Variants in LAMC1 observed in about 807,000 individuals in gnomAD.
LAMC1 encodes laminin subunit gamma 1.
In LAMC1, 38 loss-of-function variants were observed where a neutral mutation model predicts 173.6. The ratio of observed to expected loss-of-function variants is 0.22; its 90% confidence interval spans 0.17 to 0.29. The LOEUF (loss-of-function observed/expected upper bound fraction) is 0.29, where lower values mean the gene tolerates loss of function less well. Ranked by LOEUF, LAMC1 falls within the 10% of genes least tolerant of loss-of-function variation. The pLI is 1.00. For missense variants in LAMC1, 1,824 were observed against 2,051.8 expected (o/e 0.89, Z 2.14); for synonymous variants, 746 against 749.1 (o/e 1.00, Z 0.07).
intron 27 of LAMC1, chr1:183,140,741 T>A (rs1283300313): frequency 3.5e-6 from 1 of 285,942 alleles, no homozygotes; most frequent in African/African-American, 2.2e-5. Context: ...TTACCATACT[T>A]ATTATTTGTC....
At chr1:183,085,502 A>C (rs756003361) in intron 1 of LAMC1, among the ~76,000 whole-genome samples, 9 of 151,244 alleles carry the variant, frequency 6.0e-5, no homozygotes, top group Non-Finnish European at 1.2e-4. Flanking sequence ...AGCTCGGACC[A>C]CAGGTGCAAG....
intron 1 of LAMC1, among the ~76,000 whole-genome samples, chr1:183,091,188 A>G (rs1655557866): frequency 1.3e-5 from 2 of 152,110 alleles, no homozygotes; most frequent in Non-Finnish European, 2.9e-5. Context: ...TGCCCTGCAG[A>G]AGAAGAGGTT....
rs1423942063 is a variant in LAMC1, at chr1:183,067,030, T to A, written c.419-36298T>A. On this transcript the variant is annotated intron_variant, in intron 1 of 27. Transcript: ENST00000258341. ...GGGCCAATAAGTTTGGTTTATTGTG[T>A]TTTAGTCATTGGTATATAGCTTTTC... Among the ~76,000 whole-genome samples the A allele has an allele frequency of 2.0e-5, 3 of 152,322 alleles. No homozygotes were observed. The East Asian group carries it at 5.8e-4, about 29-fold the overall frequency.
intron 1 of LAMC1, among the ~76,000 whole-genome samples, chr1:183,081,611 G>C (rs1655280151): frequency 1.3e-5 from 2 of 151,704 alleles, no homozygotes; most frequent in Non-Finnish European, 1.5e-5. Flanking sequence ...TAAATCTTTA[G>C]AGTGTTTTTA....
intron 1 of LAMC1, among the ~76,000 whole-genome samples, chr1:183,079,232 GTTTTTTTTTTTTTTTTTTTTTTTTTTT>G (rs796732672): frequency 3.2e-5 from 2 of 62,840 alleles, no homozygotes; most frequent in South Asian, 5.9e-4. Flanking sequence ...CTCTAATCTG[GTTTTTTTTTTTTTTTTTTTTTTTTTTT>G]TTTTTTTTTT....
chr1:183,041,538 T>C (rs186834580), intron 1 of LAMC1, among the ~76,000 whole-genome samples: 206 of 152,116 alleles, frequency 1.4e-3, no homozygotes, highest in Non-Finnish European at 2.6e-3. Context: ...ATGTGAGGGG[T>C]GCTATATTGT....
chr1:183,045,466 T>C (rs1374623392), intron 1 of LAMC1, among the ~76,000 whole-genome samples: 2 of 152,110 alleles, frequency 1.3e-5, no homozygotes, highest in Non-Finnish European at 2.9e-5. Flanking sequence ...TATGTGGTAA[T>C]TGGCAACTTG....
intron 6 of LAMC1, 143 bp from the exon 7 acceptor site, chr1:183,116,434 G>T: frequency 1.7e-6 from 1 of 580,550 alleles, no homozygotes; most frequent in Non-Finnish European, 3.0e-6. Context: ...CTGAGATGGC[G>T]CCACTGCACT....
At chr1:183,057,166 A>T (rs1272747282) in intron 1 of LAMC1, among the ~76,000 whole-genome samples, 1 of 152,226 alleles carries the variant, frequency 6.6e-6, no homozygotes, top group Non-Finnish European at 1.5e-5. Context: ...AAGGAAACAG[A>T]TTCAGAGAAA....
chr1:183,048,533 T>C (rs1654327780), intron 1 of LAMC1, among the ~76,000 whole-genome samples: 1 of 152,228 alleles, frequency 6.6e-6, no homozygotes, highest in South Asian at 2.1e-4. Flanking sequence ...GTCTGATAGC[T>C]TTGTTATACA....
chr1:183,031,785 T>G (rs1010490102), intron 1 of LAMC1, among the ~76,000 whole-genome samples: 7 of 152,236 alleles, frequency 4.6e-5, no homozygotes, highest in Non-Finnish European at 1.0e-4. Flanking sequence ...GTTGTCAGCT[T>G]GAAAGTGTAA....
rs368898273 is a variant in LAMC1, at chr1:183,024,038, G to A, written c.322G>A (p.Asp108Asn). 13 of 1,612,646 alleles carry A rather than the reference G, an allele frequency of 8.1e-6. No homozygotes were observed. The highest frequency in any genetic ancestry group is 1.1e-5 in the Non-Finnish European group (13 of 1,179,708). Residue 108 changes from aspartate (D) to asparagine (N), a missense_variant, in exon 1 of 28, where the codon GAC (aspartate) becomes AAC (asparagine). Physicochemically the swap from Asp to Asn is conservative, Grantham distance 23. Transcript: ENST00000258341. ...HLQHGAAFLT[D>N]YNNQADTTWW... ...GCAGCACGGGGCAGCCTTCCTGACC[G>A]ACTACAACAACCAGGCCGACACCAC...
intron 1 of LAMC1, among the ~76,000 whole-genome samples, chr1:183,060,301 C>G (rs1654709560): frequency 6.6e-6 from 1 of 151,820 alleles, no homozygotes; most frequent in Admixed American, 6.6e-5. Context: ...ACCAATAGTT[C>G]CAGCTACTCA....
intron 11 of LAMC1, among the ~76,000 whole-genome samples, chr1:183,120,038 A>G (rs1485957346): frequency 6.6e-6 from 1 of 151,700 alleles, no homozygotes; most frequent in African/African-American, 2.4e-5. Context: ...GCATGGTGGC[A>G]CACACCTGTG....
intron 1 of LAMC1, among the ~76,000 whole-genome samples, chr1:183,094,028 T>C (rs905398458): frequency 6.6e-6 from 1 of 152,322 alleles, no homozygotes; most frequent in Non-Finnish European, 1.5e-5. Flanking sequence ...TCTCATCTTA[T>C]TCAGAGTACA....
At chr1:183,031,642 T>C (rs376665335) in intron 1 of LAMC1, among the ~76,000 whole-genome samples, 1 of 152,216 alleles carries the variant, frequency 6.6e-6, no homozygotes, top group African/African-American at 2.4e-5. Flanking sequence ...CTGGACTTTA[T>C]TGACAGCTGT....
intron 11 of LAMC1, among the ~76,000 whole-genome samples, chr1:183,119,087 G>C (rs1474149098): frequency 1.3e-5 from 2 of 151,802 alleles, no homozygotes; most frequent in Non-Finnish European, 2.9e-5. Context: ...AGTAGAGATG[G>C]GGTTTTACCA....
chr1:183,033,825 GGGATTACA>G (rs1329262406), intron 1 of LAMC1, among the ~76,000 whole-genome samples: 1 of 152,002 alleles, frequency 6.6e-6, no homozygotes, highest in African/African-American at 2.4e-5. Flanking sequence ...CCGAGTAGCT[GGGATTACA>G]GGCACACACA....
At chr1:183,136,722 T>G in intron 25 of LAMC1, 137 bp downstream of exon 25, 2 of 525,760 alleles carry the variant, frequency 3.8e-6, no homozygotes, top group South Asian at 5.0e-5. Flanking sequence ...ATATTTGTCT[T>G]TTTTTTTTTC....
Sources: gnomAD v4.1 joint callset for allele counts (sites outside exome capture counted in the v4.1 genomes callset) on GRCh38, gnomAD v4.1.1 for gene constraint, MANE v1.5 for transcripts, NCBI Gene and HGNC (gene_info 2026-07-23, HGNC 2026-07-21) for gene names.